The following INPP4B variants were observed in gnomAD, a reference collection of about 807,000 sequenced individuals.
INPP4B encodes inositol polyphosphate 4-phosphatase type II.
INPP4B carries 55 observed loss-of-function variants against 122.5 expected under a neutral mutation model. The ratio of observed to expected loss-of-function variants is 0.45; its 90% CI spans 0.36 to 0.56. INPP4B has a LOEUF of 0.56. Among genes scored for constraint, INPP4B ranks in the 20% least tolerant of loss-of-function variants. The pLI is 0.00. For synonymous variants in INPP4B, 403 were observed against 388.7 expected, an observed-to-expected ratio of 1.04 and a Z score of -0.43; for missense variants, 1,000 against 1,097.7, an observed-to-expected ratio of 0.91 and a Z score of 1.26.
chr4:142,295,891 A>T (rs781601306), intron 9 of INPP4B, among the ~76,000 whole-genome samples: 1 of 152,162 alleles, frequency 6.6e-6, no homozygotes, highest in Non-Finnish European at 1.5e-5. Context: ...AGTGAAGCAG[A>T]AACACAGTGA....
chr4:142,416,476 T>C (rs1037978628), intron 5 of INPP4B, among the ~76,000 whole-genome samples: 3 of 149,840 alleles, frequency 2.0e-5, no homozygotes, highest in African/African-American at 7.3e-5. Flanking sequence ...ATTTAAGTAA[T>C]TTTTTTTCCT....
intron 1 of INPP4B, among the ~76,000 whole-genome samples, chr4:142,828,415 T>C (rs1434186616): frequency 6.6e-6 from 1 of 152,130 alleles, no homozygotes; most frequent in Non-Finnish European, 1.5e-5. Flanking sequence ...ATCTCTACCA[T>C]AGTTCTGAGA....
At chr4:142,579,886 GATAGATAGATAGATAGA>G (rs1734684210) in intron 2 of INPP4B, among the ~76,000 whole-genome samples, 8 of 131,916 alleles carry the variant, frequency 6.1e-5, no homozygotes, top group Non-Finnish European at 1.0e-4. Context: ...TAGGTAGATA[GATAGATAGATAGATAGA>G]TAGATAGATA....
chr4:142,323,874 C>T (rs1481287571), intron 7 of INPP4B, among the ~76,000 whole-genome samples: 1 of 152,016 alleles, frequency 6.6e-6, no homozygotes, highest in East Asian at 1.9e-4. Flanking sequence ...ACTCTTCAAT[C>T]AAGTCAGAGA....
intron 2 of INPP4B, among the ~76,000 whole-genome samples, chr4:142,643,244 CACA>C (rs1560908863): frequency 6.6e-6 from 1 of 151,886 alleles, no homozygotes; most frequent in Non-Finnish European, 1.5e-5. Context: ...AACTACTTCT[CACA>C]ACAACATGAT....
At chr4:142,339,645 T>G (rs1356064851) in intron 7 of INPP4B, among the ~76,000 whole-genome samples, 2 of 152,200 alleles carry the variant, frequency 1.3e-5, no homozygotes, top group Non-Finnish European at 2.9e-5. Context: ...TCATTCATTT[T>G]CACTACCACA....
intron 16 of INPP4B, among the ~76,000 whole-genome samples, 180 bp from the exon 17 acceptor site, chr4:142,160,741 TGCCAAG>T (rs1019496726): frequency 4.6e-5 from 7 of 152,048 alleles, no homozygotes; most frequent in African/African-American, 1.2e-4. Flanking sequence ...TCTGGGATGC[TGCCAAG>T]GCCTTAAGTC....
chr4:142,735,879 G>A (rs74586103), intron 1 of INPP4B, among the ~76,000 whole-genome samples: 4,118 of 149,272 alleles, frequency 0.028, 79 homozygotes, highest in Middle Eastern at 0.097. Context: ...AATTATTATC[G>A]CCTAGGAGTT....
At chr4:142,256,791 T>G (rs1320015120) in intron 11 of INPP4B, among the ~76,000 whole-genome samples, 3 of 152,188 alleles carry the variant, frequency 2.0e-5, no homozygotes. Flanking sequence ...GAGGAACTGG[T>G]ACCATTCCTT....
intron 15 of INPP4B, among the ~76,000 whole-genome samples, chr4:142,181,191 A>C (rs988597958): frequency 2.0e-5 from 3 of 152,194 alleles, no homozygotes; most frequent in African/African-American, 7.2e-5. Flanking sequence ...CTGTAGTTTC[A>C]GGGCTTGCTT....
At chr4:142,270,471 A>G (rs556337151) in intron 10 of INPP4B, among the ~76,000 whole-genome samples, 192 bp downstream of exon 10, 3 of 152,326 alleles carry the variant, frequency 2.0e-5, no homozygotes, top group South Asian at 4.1e-4. Context: ...ATTGCTTTGC[A>G]TAGTTCCAAG....
chr4:142,599,823 G>GAT (rs1739500157), intron 2 of INPP4B, among the ~76,000 whole-genome samples: 1 of 151,742 alleles, frequency 6.6e-6, no homozygotes, highest in African/African-American at 2.4e-5. Flanking sequence ...ATTTACCAGA[G>GAT]ATATATATCT....
chr4:142,411,474 T>A (rs1804578123), intron 5 of INPP4B, among the ~76,000 whole-genome samples: 1 of 152,174 alleles, frequency 6.6e-6, no homozygotes, highest in African/African-American at 2.4e-5. Flanking sequence ...TAATGAAAGC[T>A]CACCTCTTAT....
chr4:142,308,709 T>C (rs933653255), intron 8 of INPP4B, among the ~76,000 whole-genome samples: 7 of 151,486 alleles, frequency 4.6e-5, no homozygotes, highest in African/African-American at 1.4e-4. Flanking sequence ...TATAATTATA[T>C]AATTTAAGAT....
intron 1 of INPP4B, among the ~76,000 whole-genome samples, chr4:142,811,522 T>A (rs570529809): frequency 8.3e-4 from 126 of 152,314 alleles, no homozygotes; most frequent in African/African-American, 2.9e-3. Flanking sequence ...GAAAGGGGCA[T>A]TCTAGTTATT....
intron 2 of INPP4B, among the ~76,000 whole-genome samples, chr4:142,464,032 T>A (rs757524337): frequency 6.6e-5 from 10 of 152,148 alleles, no homozygotes; most frequent in Non-Finnish European, 1.5e-4. Context: ...ATTATTATTA[T>A]ATAGAGAGAA....
chr4:142,797,262 T>C (rs547828363), intron 1 of INPP4B, among the ~76,000 whole-genome samples: 3 of 152,066 alleles, frequency 2.0e-5, no homozygotes, highest in African/African-American at 7.2e-5. Context: ...TGAGCCAAAA[T>C]AGGCACCCAG....
At chr4:142,557,087 A>G (rs1278011703) in intron 2 of INPP4B, among the ~76,000 whole-genome samples, 2 of 152,070 alleles carry the variant, frequency 1.3e-5, no homozygotes, top group Non-Finnish European at 2.9e-5. Flanking sequence ...GATGCTTTCA[A>G]ATAGGCTGCC....
chr4:142,207,958 CT>C (rs1327567697), intron 14 of INPP4B, among the ~76,000 whole-genome samples: 1 of 151,986 alleles, frequency 6.6e-6, no homozygotes, highest in African/African-American at 2.4e-5. Context: ...ACTCTACCAC[CT>C]TCTACCTTAC....
Sources: gnomAD v4.1 joint callset for allele counts (sites outside exome capture counted in the v4.1 genomes callset) on GRCh38, gnomAD v4.1.1 for gene constraint, MANE v1.5 for transcripts, NCBI Gene and HGNC (gene_info 2026-07-23, HGNC 2026-07-21) for gene names.